GALNT17: variants seen among roughly 807,000 people sequenced by gnomAD.
GALNT17 encodes UDP-GalNAc:polypeptide N-acetylgalactosaminyltransferase-like 3.
A neutral mutation model predicts 63.7 loss-of-function variants in GALNT17; 29 were observed. The ratio of observed to expected loss-of-function variants is 0.46; its 90% CI spans 0.34 to 0.62. The LOEUF is 0.62. Among genes scored for constraint, GALNT17 ranks in the 20% least tolerant of loss-of-function variants. The probability of loss-of-function intolerance (pLI) is 0.01; values close to 1 mark genes in which losing one functional copy is unlikely to be tolerated. For missense variants in GALNT17, 603 were observed against 799.6 expected (o/e 0.75, Z 2.97); for synonymous variants, 305 against 318.3 (o/e 0.96, Z 0.45).
intron 3 of GALNT17, among the ~76,000 whole-genome samples, chr7:71,388,713 G>A (rs1242604657): frequency 6.6e-6 from 1 of 151,942 alleles, no homozygotes; most frequent in Non-Finnish European, 1.5e-5. Flanking sequence ...TTTTAGTAGA[G>A]ATGGGGTTTC....
chr7:71,264,219 G>A (rs893241055), intron 1 of GALNT17, among the ~76,000 whole-genome samples: 1 of 152,140 alleles, frequency 6.6e-6, no homozygotes, highest in Non-Finnish European at 1.5e-5. Flanking sequence ...GCTCTCTAGG[G>A]GTTGAGCATG....
chr7:71,682,700 T>A (rs584987), intron 9 of GALNT17, among the ~76,000 whole-genome samples: 148,887 of 152,154 alleles, frequency 0.98, 72,910 homozygotes, highest in East Asian at 1. Flanking sequence ...ATGAATCACC[T>A]TGCCCAGCTA....
At chr7:71,335,420 A>T (rs1014794313) in intron 1 of GALNT17, 130 bp from the exon 2 acceptor site, 1 of 937,612 alleles carries the variant, frequency 1.1e-6, no homozygotes, top group African/African-American at 1.7e-5. Context: ...CCTGAGTTGG[A>T]TAAATTGAGG....
intron 6 of GALNT17, among the ~76,000 whole-genome samples, chr7:71,627,413 G>A (rs1006983006): frequency 1.3e-5 from 2 of 152,126 alleles, no homozygotes; most frequent in African/African-American, 2.4e-5. Context: ...AGACAGACCC[G>A]GTCTCGAAAA....
chr7:71,170,470 T>G (rs1788527220), intron 1 of GALNT17, among the ~76,000 whole-genome samples: 2 of 151,888 alleles, frequency 1.3e-5, no homozygotes, highest in Non-Finnish European at 2.9e-5. Context: ...TGAGTAGCTG[T>G]GATTACAGGC....
At chr7:71,616,689 T>C (rs917694985) in intron 6 of GALNT17, among the ~76,000 whole-genome samples, 4 of 79,858 alleles carry the variant, frequency 5.0e-5, no homozygotes, top group Non-Finnish European at 5.0e-5. Flanking sequence ...TACATTATAA[T>C]ATATAATATA....
chr7:71,565,844 T>C (rs77218040), intron 5 of GALNT17, among the ~76,000 whole-genome samples: 3,789 of 129,098 alleles, frequency 0.029, 67 homozygotes, highest in Middle Eastern at 0.093. Flanking sequence ...TCTTCTCTTT[T>C]CTTTTTTTTT....
At chr7:71,525,646 CTCCCCA>C (rs1788611687) in intron 5 of GALNT17, among the ~76,000 whole-genome samples, 1 of 149,886 alleles carries the variant, frequency 6.7e-6, no homozygotes, top group African/African-American at 2.5e-5. Flanking sequence ...ATCATGAGGT[CTCCCCA>C]GTCATGTGGA....
chr7:71,359,933 G>T (rs1407667065), intron 2 of GALNT17, among the ~76,000 whole-genome samples: 1 of 152,056 alleles, frequency 6.6e-6, no homozygotes, highest in Non-Finnish European at 1.5e-5. Flanking sequence ...GATGAGATGT[G>T]GTCTCCACGA....
intron 1 of GALNT17, among the ~76,000 whole-genome samples, chr7:71,291,539 T>G (rs535779593): frequency 6.6e-6 from 1 of 152,316 alleles, no homozygotes; most frequent in South Asian, 2.1e-4. Flanking sequence ...TTTTACATCT[T>G]TCTAAGTATT....
chr7:71,378,648 A>C (rs1279023250), intron 2 of GALNT17, among the ~76,000 whole-genome samples: 2 of 152,144 alleles, frequency 1.3e-5, no homozygotes, highest in African/African-American at 4.8e-5. Flanking sequence ...TTCATTCAGT[A>C]ACCATTTATC....
At chr7:71,687,369 G>C (rs984181695) in intron 9 of GALNT17, among the ~76,000 whole-genome samples, 1 of 152,162 alleles carries the variant, frequency 6.6e-6, no homozygotes, top group African/African-American at 2.4e-5. Flanking sequence ...CTGGCGTGAC[G>C]GGGCTCTGGC....
chr7:71,302,185 T>C (rs2115886087), intron 1 of GALNT17, among the ~76,000 whole-genome samples: 1 of 151,788 alleles, frequency 6.6e-6, no homozygotes, highest in Admixed American at 6.6e-5. Flanking sequence ...CAACACACAC[T>C]GGGGCCTGTT....
At chr7:71,522,364 G>C (rs1352115714) in intron 5 of GALNT17, among the ~76,000 whole-genome samples, 1 of 152,128 alleles carries the variant, frequency 6.6e-6, no homozygotes, top group Admixed American at 6.5e-5. Context: ...CCGAAGACTG[G>C]ACAATTTACA....
At chr7:71,589,378 G>A (rs1218923985) in intron 6 of GALNT17, among the ~76,000 whole-genome samples, 1 of 152,060 alleles carries the variant, frequency 6.6e-6, no homozygotes, top group Non-Finnish European at 1.5e-5. Flanking sequence ...AGGAGTTCAA[G>A]ACCAGCCTGG....
intron 2 of GALNT17, among the ~76,000 whole-genome samples, chr7:71,370,567 C>A (rs1039129914): frequency 1.3e-5 from 2 of 150,414 alleles, no homozygotes; most frequent in African/African-American, 2.5e-5. Flanking sequence ...TCACTGCAAC[C>A]TCTGCCTCTC....
At chr7:71,645,033 G>A (rs936651122) in intron 6 of GALNT17, among the ~76,000 whole-genome samples, 1 of 152,184 alleles carries the variant, frequency 6.6e-6, no homozygotes, top group African/African-American at 2.4e-5. Flanking sequence ...AATGCACACT[G>A]GCTTTTCAAC....
intron 2 of GALNT17, among the ~76,000 whole-genome samples, chr7:71,387,418 CGGG>C (rs1792966475): frequency 6.6e-6 from 1 of 151,534 alleles, no homozygotes; most frequent in Non-Finnish European, 1.5e-5. Context: ...CTTGACCTCC[CGGG>C]CTCAAGTGAT....
At chr7:71,283,697 CT>C (rs1429566970) in intron 1 of GALNT17, among the ~76,000 whole-genome samples, 5 of 152,106 alleles carry the variant, frequency 3.3e-5, no homozygotes, top group Non-Finnish European at 5.9e-5. Context: ...TACTCCCATG[CT>C]GCCGTTCTTG....
Sources: gnomAD v4.1 joint callset for allele counts (sites outside exome capture counted in the v4.1 genomes callset) on GRCh38, gnomAD v4.1.1 for gene constraint, MANE v1.5 for transcripts, NCBI Gene and HGNC (gene_info 2026-07-23, HGNC 2026-07-21) for gene names.